SULT4A1: variants seen among roughly 807,000 people sequenced by gnomAD.
SULT4A1 encodes sulfotransferase family 4A member 1, also known as sulfotransferase 4A1.
SULT4A1 carries 11 observed loss-of-function variants against 35.2 expected under a neutral mutation model. The observed-to-expected ratio is 0.31, with a 90% CI of 0.20 to 0.52. The LOEUF is 0.52. Ranked by LOEUF, SULT4A1 falls within the 20% of genes least tolerant of loss-of-function variation. The pLI is 0.97. For synonymous variants in SULT4A1, 152 were observed against 151.8 expected, an observed-to-expected ratio of 1.00 and a Z score of -0.01; for missense variants, 271 against 383.7, an observed-to-expected ratio of 0.71 and a Z score of 2.45.
chr22:43,857,352 C>T (rs1603410236), intron 1 of SULT4A1, among the ~76,000 whole-genome samples: 1 of 118,878 alleles, frequency 8.4e-6, no homozygotes, highest in Non-Finnish European at 1.6e-5. Context: ...GTCTGAGCAG[C>T]ACAGTGAGAT....
Position 43,862,464 on chromosome 22 carries a change from G to T in SULT4A1, c.-82C>A. Reference sequence around the variant, plus strand: ...GCGCCCGCGCCCGCGCCCGCGCCCCGCACACGCTCGCGCCCCACCGGCGCG... The same window carrying T: ...GCGCCCGCGCCCGCGCCCGCGCCCCTCACACGCTCGCGCCCCACCGGCGCG... On this transcript the variant is annotated 5_prime_UTR_variant, in exon 1 of 7. Coordinates refer to ENST00000330884, the MANE Select transcript of SULT4A1 (RefSeq NM_014351.4). 3.9e-6 allele frequency: 2 copies of T among 514,042 alleles called. No individual in the cohort carries two copies. The highest frequency in any genetic ancestry group is 4.8e-6 in the Non-Finnish European group (2 of 416,350). 31.8% of individuals were successfully genotyped at this position (514,042 alleles called of 1,614,324 possible).
At chr22:43,832,851 C>A (rs1201924483) in intron 5 of SULT4A1, among the ~76,000 whole-genome samples, 2 of 152,128 alleles carry the variant, frequency 1.3e-5, no homozygotes, top group Admixed American at 6.5e-5. Flanking sequence ...TCCCCAGCAC[C>A]CAGCTCTCCT....
At chr22:43,845,542 C>A (rs915757479) in intron 1 of SULT4A1, among the ~76,000 whole-genome samples, 1 of 150,020 alleles carries the variant, frequency 6.7e-6, no homozygotes, top group Non-Finnish European at 1.5e-5. Flanking sequence ...CCAGAGCTGA[C>A]CCTCCCCCTG....
intron 2 of SULT4A1, among the ~76,000 whole-genome samples, chr22:43,840,318 G>A (rs554001733): frequency 1.2e-4 from 18 of 152,020 alleles, no homozygotes; most frequent in African/African-American, 4.3e-4. Context: ...GTGAGGCCAG[G>A]AGTAGGGAGG....
In SULT4A1 at chr22:43,826,030, A is replaced by G. The variant is rs772439968; in HGVS notation, c.826T>C (p.Cys276Arg). Residue 276 changes from cysteine to arginine, a missense_variant, in exon 7 of 7, where the codon TGT becomes CGT. Transcript: ENST00000330884. ...DLVYKQKMGK[C>R]DLTFDFYL ...AAATAAAAGTCAAACGTGAGGTCAC[A>G]CTTTCCCATCTTCTGTTTATACACC... 1 of 1,614,170 alleles carries G rather than the reference A, an allele frequency of 6.2e-7. No individual in the cohort carries two copies. The highest frequency in any genetic ancestry group is 8.5e-7 in the Non-Finnish European group (1 of 1,180,014).
intron 1 of SULT4A1, among the ~76,000 whole-genome samples, chr22:43,847,116 T>A (rs1465226176): frequency 1.3e-5 from 2 of 151,848 alleles, no homozygotes; most frequent in Non-Finnish European, 2.9e-5. Context: ...AATTTCCTGG[T>A]TGAACACCTC....
intron 1 of SULT4A1, among the ~76,000 whole-genome samples, chr22:43,843,875 C>A (rs530088624): frequency 6.6e-6 from 1 of 152,218 alleles, no homozygotes; most frequent in Non-Finnish European, 1.5e-5. Flanking sequence ...GGAGGGTGTG[C>A]GAACCCCAAT....
intron 5 of SULT4A1, among the ~76,000 whole-genome samples, chr22:43,830,794 C>T (rs898817384): frequency 3.9e-5 from 6 of 152,148 alleles, no homozygotes; most frequent in Admixed American, 6.5e-5. Context: ...AGGCAGTGAG[C>T]GCTCTGGCAG....
chr22:43,838,765 T>C, intron 4 of SULT4A1, 102 bp downstream of exon 4: 6 of 1,520,500 alleles, frequency 3.9e-6, no homozygotes, highest in Non-Finnish European at 4.5e-6. Flanking sequence ...ATGGTCACTG[T>C]CAGAACTGGA....
At chr22:43,831,383 ATGTTCAAT>A (rs1392756959) in intron 5 of SULT4A1, among the ~76,000 whole-genome samples, 6 of 151,434 alleles carry the variant, frequency 4.0e-5, no homozygotes, top group Non-Finnish European at 7.4e-5. Flanking sequence ...TGGGCAGTGC[ATGTTCAAT>A]GCTATGTCAT....
At chr22:43,833,560 A>C in intron 5 of SULT4A1, 80 bp downstream of exon 5, 3 of 779,866 alleles carry the variant, frequency 3.8e-6, no homozygotes, top group African/African-American at 2.4e-5. Context: ...CCACACGCCC[A>C]CTGTAAAGGG....
At chr22:43,843,266 A>G (rs2063448501) in intron 1 of SULT4A1, among the ~76,000 whole-genome samples, 1 of 152,162 alleles carries the variant, frequency 6.6e-6, no homozygotes, top group South Asian at 2.1e-4. Flanking sequence ...AATAAAAAAT[A>G]AAAACATTAG....
intron 1 of SULT4A1, among the ~76,000 whole-genome samples, chr22:43,845,596 C>T (rs1038031775): frequency 6.6e-6 from 1 of 152,132 alleles, no homozygotes; most frequent in South Asian, 2.1e-4. Context: ...ACGAGGGCTC[C>T]TCCCTGGCTC....
intron 1 of SULT4A1, among the ~76,000 whole-genome samples, chr22:43,855,517 A>C (rs552425028): frequency 6.6e-6 from 1 of 152,156 alleles, no homozygotes; most frequent in Non-Finnish European, 1.5e-5. Flanking sequence ...CAGCCCCCAC[A>C]AAATGACTGG....
At chr22:43,861,529 C>A (rs1221915909) in intron 1 of SULT4A1, among the ~76,000 whole-genome samples, 4 of 152,232 alleles carry the variant, frequency 2.6e-5, no homozygotes, top group African/African-American at 9.6e-5. Context: ...CCTCTCTGAG[C>A]CTCTGTGCCT....
At chr22:43,827,495 C>T (rs981145193) in intron 6 of SULT4A1, 72 of 1,320,924 alleles carry the variant, frequency 5.5e-5, no homozygotes, top group Admixed American at 2.4e-4. Flanking sequence ...GCTGAGAGCT[C>T]GTCAGAGGAG....
In SULT4A1 at chr22:43,862,158, G is replaced by C. The variant is rs955981334; in HGVS notation, c.169+56C>G. The C allele has an allele frequency of 5.9e-5, 78 of 1,333,258 alleles. No homozygotes were observed. The Middle Eastern group carries it at 1.6e-3, about 28-fold the overall frequency. The allele number at this position is 1,333,258 out of a possible 1,614,324, so 82.6% of individuals were successfully genotyped here. ...CCGGGCGCGGGCGCGGCGTCTACGC[G>C]GCCGCGCTGCAGGGCTGGGGCATGG... On this transcript the variant is annotated intron_variant, in intron 1 of 6. Transcript: ENST00000330884.
intron 5 of SULT4A1, 41 bp downstream of exon 5, chr22:43,833,599 G>C: frequency 6.5e-7 from 1 of 1,534,060 alleles, no homozygotes; most frequent in Non-Finnish European, 8.9e-7. Context: ...CCAGGCCGAG[G>C]GCCAGGGCAC....
In SULT4A1 at chr22:43,825,887, T is replaced by C; in HGVS notation, c.*114A>G. On this transcript the variant is annotated 3_prime_UTR_variant, in exon 7 of 7. Transcript: ENST00000330884. ...TCACGCCGCTCTTCCCTTCCCCCGCTGTTTCACACGCTGCTTCCAGAGTTT... is the reference window on the plus strand; with the variant it reads ...TCACGCCGCTCTTCCCTTCCCCCGCCGTTTCACACGCTGCTTCCAGAGTTT... 9.4e-7 allele frequency: 1 copy of C among 1,061,952 alleles called. No homozygotes were observed. The highest frequency in any genetic ancestry group is 1.5e-5 in the South Asian group (1 of 65,030). The allele number at this position is 1,061,952 out of a possible 1,614,324, so 65.8% of individuals were successfully genotyped here. A position where few individuals can be genotyped will look rare whatever the true frequency, so the allele number is the denominator to read the frequency against.
Sources: allele counts gnomAD v4.1 joint callset (sites outside exome capture counted in the v4.1 genomes callset), GRCh38; gene constraint gnomAD v4.1.1; transcripts MANE v1.5; gene names NCBI Gene and HGNC (gene_info 2026-07-23, HGNC 2026-07-21).